Variants in ACOT11 observed in about 807,000 individuals in gnomAD.
The protein encoded by ACOT11 is acyl-coenzyme A thioesterase 11.
ACOT11 carries 69 observed loss-of-function variants against 77.5 expected under a neutral mutation model. The ratio of observed to expected loss-of-function variants is 0.89; its 90% confidence interval spans 0.73 to 1.09. ACOT11 has a LOEUF of 1.09. Ranked by LOEUF, ACOT11 falls within the 50% of genes least tolerant of loss-of-function variation. The pLI, the probability that ACOT11 is intolerant of heterozygous loss-of-function variation, is 0.00. For synonymous variants in ACOT11, 279 were observed against 313.0 expected (o/e 0.89, Z 1.15); for missense variants, 766 against 813.7 (o/e 0.94, Z 0.71).
At chr1:54,575,965 A>G (rs933578839) in intron 1 of ACOT11, among the ~76,000 whole-genome samples, 4 of 152,222 alleles carry the variant, frequency 2.6e-5, no homozygotes, top group East Asian at 1.9e-4. Context: ...TAATGGAGCA[A>G]TGCACCAAAA....
At chr1:54,636,813 T>C (rs140644876) in exon 17 of ACOT11, 1,794 of 154,130 alleles carry the variant, frequency 0.012, 29 homozygotes, top group African/African-American at 0.041. Flanking sequence ...CTCTGGGTAC[T>C]TGAGATTAGG....
intron 4 of ACOT11, among the ~76,000 whole-genome samples, chr1:54,593,572 T>G (rs994332001): frequency 1.3e-5 from 2 of 150,844 alleles, no homozygotes; most frequent in African/African-American, 4.9e-5. Flanking sequence ...AATTCTAGAA[T>G]TACAGGCCAT....
chr1:54,548,641 C>CA, intron 1 of ACOT11: 1 of 504,920 alleles, frequency 2.0e-6, no homozygotes, highest in Admixed American at 3.6e-5. Context: ...TTTCTCCCTG[C>CA]AGAGTTCTGT....
intron 15 of ACOT11, 122 bp from the exon 16 acceptor site, chr1:54,608,835 T>C: frequency 1.1e-6 from 1 of 946,744 alleles, no homozygotes; most frequent in East Asian, 2.4e-5. Flanking sequence ...GGTTGAATAT[T>C]CTGCCCTCCC....
intron 1 of ACOT11, among the ~76,000 whole-genome samples, chr1:54,563,257 G>C (rs1427392931): frequency 2.0e-5 from 3 of 152,242 alleles, no homozygotes; most frequent in African/African-American, 4.8e-5. Context: ...AAAGTGCTGG[G>C]ATTATAGGTG....
intron 15 of ACOT11, chr1:54,623,309 T>C (rs1007466156): frequency 6.2e-7 from 1 of 1,613,900 alleles, no homozygotes; most frequent in Non-Finnish European, 8.5e-7. Context: ...CAAGGACTAT[T>C]GCGGCAATGA....
chr1:54,573,718 G>A (rs1369632006), intron 1 of ACOT11, among the ~76,000 whole-genome samples: 2 of 151,510 alleles, frequency 1.3e-5, no homozygotes, highest in Non-Finnish European at 2.9e-5. Context: ...GGGTGACAGA[G>A]TGAAACTCTC....
At chr1:54,567,528 C>T (rs1653777495) in intron 1 of ACOT11, among the ~76,000 whole-genome samples, 1 of 152,164 alleles carries the variant, frequency 6.6e-6, no homozygotes, top group South Asian at 2.1e-4. Context: ...ATCCACCCGC[C>T]TCAGCCTCCC....
intron 15 of ACOT11, chr1:54,623,288 C>T (rs200226091): frequency 6.2e-7 from 1 of 1,613,838 alleles, no homozygotes; most frequent in African/African-American, 1.3e-5. Flanking sequence ...CTGGCCGCCG[C>T]AGGGTGATGG....
intron 8 of ACOT11, among the ~76,000 whole-genome samples, chr1:54,600,341 C>T (rs2100998392): frequency 6.6e-6 from 1 of 152,270 alleles, no homozygotes; most frequent in South Asian, 2.1e-4. Flanking sequence ...AATCATAGAA[C>T]TTCCAAAGTG....
rs1336278497 is a variant in ACOT11 at position 54,609,112 on chromosome 1, GATGCCCTCAGTGGCCACATC to G, written c.*7_*26del. ...TGGCCCCCAGCCTCCAGACCCTCTA[GATGCCCTCAGTGGCCACATC>G]ATGCCCACTCCCACTCCATCCTGTC... is the stretch of plus-strand genomic sequence containing the variant. On this transcript the variant is annotated 3_prime_UTR_variant, in exon 16 of 16. Transcript: ENST00000343744. 2 of 1,613,934 alleles carry G rather than the reference GATGCCCTCAGTGGCCACATC, an allele frequency of 1.2e-6. No individual in the cohort carries two copies. The highest frequency in any genetic ancestry group is 2.7e-5 in the African/African-American group (2 of 74,910).
intron 15 of ACOT11, among the ~76,000 whole-genome samples, chr1:54,622,380 A>C (rs992685506): frequency 9.2e-5 from 14 of 151,970 alleles, no homozygotes; most frequent in Non-Finnish European, 1.8e-4. Flanking sequence ...AGAGATCAAG[A>C]CCATCCTGGC....
chr1:54,554,331 G>GTATATATATA (rs1474648915), intron 1 of ACOT11, among the ~76,000 whole-genome samples: 19 of 63,294 alleles, frequency 3.0e-4, no homozygotes, highest in Non-Finnish European at 6.3e-4. Context: ...GTGTGTGTGT[G>GTATATATATA]TGTATATATA....
chr1:54,554,290 A>AGT (rs67577349), intron 1 of ACOT11, among the ~76,000 whole-genome samples: 4,756 of 107,920 alleles, frequency 0.044, 132 homozygotes, highest in East Asian at 0.082. Context: ...AGTATTCCAT[A>AGT]GTGTGTGTGT....
In ACOT11 at chr1:54,627,890, C is replaced by T. The variant is rs138001025; in HGVS notation, c.1630-2844C>T. ...TGAGGGAGAAGAGCCTGTTTGGGAGCGTGAGTGGTGTGGCTGGAGCAGCAG... is the reference window on the plus strand; with the variant it reads ...TGAGGGAGAAGAGCCTGTTTGGGAGTGTGAGTGGTGTGGCTGGAGCAGCAG... On this transcript the variant is annotated intron_variant, in intron 15 of 16. Transcript: ENST00000371316. Among the ~76,000 whole-genome samples the T allele has an allele frequency of 3.9e-3, 511 of 132,312 alleles. 59 individuals carry two copies. The highest frequency in any genetic ancestry group is 0.013 in the African/African-American group (489 of 39,104). The allele number at this position is 132,312 out of a possible 152,430, so 86.8% of individuals were successfully genotyped here. A position where few individuals can be genotyped will look rare whatever the true frequency, so the allele number is the denominator to read the frequency against.
chr1:54,577,624 A>C (rs1338168859), intron 1 of ACOT11, among the ~76,000 whole-genome samples: 1 of 150,374 alleles, frequency 6.7e-6, no homozygotes, highest in Non-Finnish European at 1.5e-5. Flanking sequence ...TGCTGCTATG[A>C]ACGTGTATGT....
intron 1 of ACOT11, among the ~76,000 whole-genome samples, chr1:54,560,370 G>A (rs1263393806): frequency 6.6e-6 from 1 of 152,112 alleles, no homozygotes; most frequent in Admixed American, 6.5e-5. Context: ...ATGTGAAGGA[G>A]CCAGGTCCAC....
intron 7 of ACOT11, chr1:54,597,894 G>C (rs1361899820): frequency 6.2e-6 from 1 of 161,054 alleles, no homozygotes; most frequent in East Asian, 1.9e-4. Context: ...TTCTTCTAAG[G>C]GGTGAAAATT....
intron 15 of ACOT11, among the ~76,000 whole-genome samples, chr1:54,625,630 G>C (rs1644267194): frequency 6.6e-6 from 1 of 152,070 alleles, no homozygotes. Flanking sequence ...TTAAGAGTTG[G>C]CCATAAAAAA....
Sources: allele counts gnomAD v4.1 joint callset (sites outside exome capture counted in the v4.1 genomes callset), GRCh38; gene constraint gnomAD v4.1.1; transcripts MANE v1.5; gene names NCBI Gene and HGNC (gene_info 2026-07-23, HGNC 2026-07-21).